SRBD1: variants seen among roughly 807,000 people sequenced by gnomAD.
SRBD1 encodes the protein S1 RNA-binding domain-containing protein 1.
In SRBD1, 88 loss-of-function variants were observed where a neutral mutation model predicts 115.3. The ratio of observed to expected loss-of-function variants is 0.76; its 90% CI spans 0.64 to 0.91. The LOEUF is 0.91. Ranked by LOEUF, SRBD1 falls within the 40% of genes least tolerant of loss-of-function variation. The probability of loss-of-function intolerance (pLI) is 0.00; values close to 1 mark genes in which losing one functional copy is unlikely to be tolerated. For missense variants in SRBD1, 1,385 were observed against 1,177.4 expected, an observed-to-expected ratio of 1.18 and a Z score of -2.58; for synonymous variants, 509 against 407.7, an observed-to-expected ratio of 1.25 and a Z score of -2.99.
At chr2:45,465,326 C>T (rs1350163524) in intron 16 of SRBD1, among the ~76,000 whole-genome samples, 1 of 151,840 alleles carries the variant, frequency 6.6e-6, no homozygotes, top group African/African-American at 2.4e-5. Flanking sequence ...TTTTTTTCCT[C>T]TCAATATTTT....
intron 14 of SRBD1, among the ~76,000 whole-genome samples, chr2:45,494,596 A>T (rs970769): frequency 3.3e-5 from 5 of 152,142 alleles, no homozygotes; most frequent in African/African-American, 1.2e-4. Flanking sequence ...AAAAAATCTT[A>T]TAAGAAAATA....
At chr2:45,567,635 A>G (rs1672874367) in intron 9 of SRBD1, among the ~76,000 whole-genome samples, 3 of 152,148 alleles carry the variant, frequency 2.0e-5, no homozygotes, top group Admixed American at 2.0e-4. Flanking sequence ...GTAAGCTTAC[A>G]TAAAACAATA....
At chr2:45,397,252 G>C (rs963147324) in intron 19 of SRBD1, among the ~76,000 whole-genome samples, 1 of 152,066 alleles carries the variant, frequency 6.6e-6, no homozygotes, top group Non-Finnish European at 1.5e-5. Flanking sequence ...GGACATAAAT[G>C]CAAGTTCAGT....
At chr2:45,600,694 A>T (rs1475357129) in intron 3 of SRBD1, among the ~76,000 whole-genome samples, 1 of 152,184 alleles carries the variant, frequency 6.6e-6, no homozygotes, top group Non-Finnish European at 1.5e-5. Flanking sequence ...GTGTGAAGAA[A>T]TGAGACTTGG....
Position 45,416,932 on chromosome 2 carries a change from C to T in SRBD1, c.2333+1433G>A, listed in dbSNP as rs148191730. On this transcript the variant is annotated intron_variant, in intron 18 of 20. Coordinates refer to ENST00000263736, the MANE Select transcript of SRBD1 (RefSeq NM_018079.5). ...TAGCTGGGATTACAGGTGAGCACCACCATGCTCAGCTAATTTTTGTATTTT... is the reference window on the plus strand; with the variant it reads ...TAGCTGGGATTACAGGTGAGCACCATCATGCTCAGCTAATTTTTGTATTTT... 9.2e-5 allele frequency among the ~76,000 whole-genome samples: 14 copies of T among 152,232 alleles called. No individual in the cohort carries two copies. The East Asian group carries it at 2.7e-3, about 29-fold the overall frequency.
intron 14 of SRBD1, among the ~76,000 whole-genome samples, chr2:45,491,183 A>C (rs7584995): frequency 6.6e-6 from 1 of 151,992 alleles, no homozygotes; most frequent in African/African-American, 2.4e-5. Context: ...AAGTACACTA[A>C]ATTTACGAAA....
At chr2:45,444,175 G>T (rs1224458487) in intron 16 of SRBD1, among the ~76,000 whole-genome samples, 1 of 152,122 alleles carries the variant, frequency 6.6e-6, no homozygotes, top group South Asian at 2.1e-4. Context: ...GAAGGACAAG[G>T]CGTGAGGATC....
chr2:45,494,657 C>T (rs879488439), intron 14 of SRBD1, among the ~76,000 whole-genome samples: 1 of 152,158 alleles, frequency 6.6e-6, no homozygotes, highest in East Asian at 1.9e-4. Context: ...TTGAATTTTA[C>T]TTGGCCTCCC....
intron 7 of SRBD1, 116 bp downstream of exon 7, chr2:45,579,759 C>A (rs545760964): frequency 9.2e-6 from 11 of 1,194,514 alleles, no homozygotes; most frequent in Non-Finnish European, 1.2e-5. Flanking sequence ...ATTCTACATA[C>A]GCTGTAATAT....
chr2:45,568,869 C>A (rs1432479910), intron 9 of SRBD1, among the ~76,000 whole-genome samples: 1 of 152,170 alleles, frequency 6.6e-6, no homozygotes, highest in African/African-American at 2.4e-5. Flanking sequence ...TTATGTTATA[C>A]CTGTATCAGT....
intron 3 of SRBD1, among the ~76,000 whole-genome samples, chr2:45,601,010 G>T (rs1175474583): frequency 6.6e-6 from 1 of 152,112 alleles, no homozygotes; most frequent in Non-Finnish European, 1.5e-5. Flanking sequence ...AAATAGAATG[G>T]ATCAGAGCAG....
intron 10 of SRBD1, among the ~76,000 whole-genome samples, chr2:45,555,457 T>A (rs1455168569): frequency 6.6e-6 from 1 of 151,012 alleles, no homozygotes. Context: ...TCCTCCCATC[T>A]CTTCACTCAG....
intron 16 of SRBD1, among the ~76,000 whole-genome samples, chr2:45,452,291 T>G (rs1669021743): frequency 6.6e-6 from 1 of 151,998 alleles, no homozygotes; most frequent in South Asian, 2.1e-4. Flanking sequence ...GCAGGATAGT[T>G]TAATTAACCT....
chr2:45,587,404 G>T (rs1386981141), intron 4 of SRBD1, among the ~76,000 whole-genome samples: 1 of 151,596 alleles, frequency 6.6e-6, no homozygotes, highest in Non-Finnish European at 1.5e-5. Flanking sequence ...AAGTCAGCCC[G>T]GAAAAGAGAA....
chr2:45,471,030 C>T (rs1318775391), intron 16 of SRBD1, among the ~76,000 whole-genome samples: 1 of 152,122 alleles, frequency 6.6e-6, no homozygotes, highest in East Asian at 1.9e-4. Context: ...CAATGTTTGT[C>T]CATCTACTCA....
At chr2:45,539,943 GT>G (rs769149413) in intron 14 of SRBD1, among the ~76,000 whole-genome samples, 1 of 152,044 alleles carries the variant, frequency 6.6e-6, no homozygotes, top group Non-Finnish European at 1.5e-5. Context: ...ATTTAACATG[GT>G]TTAAAAAAAG....
intron 1 of SRBD1, among the ~76,000 whole-genome samples, chr2:45,605,908 A>G (rs545302590): frequency 5.4e-4 from 82 of 151,580 alleles, no homozygotes; most frequent in Non-Finnish European, 1.1e-3. Flanking sequence ...GGTCTCAAAA[A>G]AAAAAAAAAA....
At chr2:45,450,292 A>C (rs911375218) in intron 16 of SRBD1, among the ~76,000 whole-genome samples, 12 of 152,188 alleles carry the variant, frequency 7.9e-5, no homozygotes, top group African/African-American at 2.9e-4. Context: ...CCTTAAGGGC[A>C]GGGATCATGA....
intron 12 of SRBD1, among the ~76,000 whole-genome samples, chr2:45,550,459 G>A (rs1672260551): frequency 7.0e-6 from 1 of 143,740 alleles, no homozygotes; most frequent in Admixed American, 7.1e-5. Flanking sequence ...AATAACCACA[G>A]TTTGGCTGAC....
Sources: gnomAD v4.1 joint callset for allele counts (sites outside exome capture counted in the v4.1 genomes callset) on GRCh38, gnomAD v4.1.1 for gene constraint, MANE v1.5 for transcripts, NCBI Gene and HGNC (gene_info 2026-07-23, HGNC 2026-07-21) for gene names.